LDAH: variants seen among roughly 807,000 people sequenced by gnomAD.
LDAH encodes lipid droplet-associated hydrolase.
A neutral mutation model predicts 29.6 loss-of-function variants in LDAH; 26 were observed. That is an observed-to-expected ratio of 0.88 (90% CI 0.64 to 1.22). The LOEUF is 1.22. LDAH is among the 50% of genes most tolerant of loss of function. The pLI is 0.00. For missense variants in LDAH, 344 were observed against 387.3 expected, an observed-to-expected ratio of 0.89 and a Z score of 0.94; for synonymous variants, 117 against 133.0, an observed-to-expected ratio of 0.88 and a Z score of 0.83.
rs189741161 is a variant in LDAH at position 20,819,614 on chromosome 2, C to T, written c.-3+3423G>A. ...CAATAGATATTGATGGGACGTATCC[C>T]AAAATAATAAGAGCTATTTATGACA... On this transcript the variant is annotated intron_variant, in intron 1 of 6. Transcript: ENST00000237822. Among the ~76,000 whole-genome samples, 586 of 152,226 alleles carry T rather than the reference C, an allele frequency of 3.8e-3. 4 individuals carry two copies. Among genetic ancestry groups the T allele is most frequent in the African/African-American group, 0.013 (556 of 41,532 alleles).
intron 5 of LDAH, among the ~76,000 whole-genome samples, chr2:20,715,037 T>C (rs769301965): frequency 9.2e-4 from 140 of 152,182 alleles, no homozygotes; most frequent in Non-Finnish European, 1.6e-3. Flanking sequence ...TTTTATGAGG[T>C]CAACATCATC....
At chr2:20,751,147 G>T (rs549805641) in intron 4 of LDAH, among the ~76,000 whole-genome samples, 23 of 152,244 alleles carry the variant, frequency 1.5e-4, no homozygotes, top group South Asian at 4.1e-4. Context: ...TAAAATAAAA[G>T]TTGAAGTTTT....
At chr2:20,797,241 T>C (rs1017754055) in intron 2 of LDAH, among the ~76,000 whole-genome samples, 4 of 152,174 alleles carry the variant, frequency 2.6e-5, no homozygotes, top group Non-Finnish European at 2.9e-5. Flanking sequence ...GGAATCTTAG[T>C]CCAGCTGAGA....
At chr2:20,757,037 G>A (rs929768175) in intron 4 of LDAH, among the ~76,000 whole-genome samples, 5 of 152,242 alleles carry the variant, frequency 3.3e-5, no homozygotes, top group African/African-American at 1.2e-4. Flanking sequence ...TCTTGTTGGA[G>A]AGCAATCTCC....
intron 3 of LDAH, among the ~76,000 whole-genome samples, chr2:20,780,645 T>C (rs889967579): frequency 1.3e-5 from 2 of 152,166 alleles, no homozygotes; most frequent in Admixed American, 6.5e-5. Context: ...AAGATACCTA[T>C]AGATTGCCAA....
intron 4 of LDAH, among the ~76,000 whole-genome samples, chr2:20,752,633 A>G (rs1572548907): frequency 6.6e-6 from 1 of 152,354 alleles, no homozygotes; most frequent in Admixed American, 6.5e-5. Flanking sequence ...TCAAGTGTCA[A>G]TGGCAATGTA....
chr2:20,742,064 T>C (rs1476369899), intron 4 of LDAH, among the ~76,000 whole-genome samples: 1 of 152,238 alleles, frequency 6.6e-6, no homozygotes, highest in African/African-American at 2.4e-5. Context: ...ATCTTGGAAT[T>C]TCTTTTCTAA....
Position 20,739,904 on chromosome 2 carries a change from CAG to C in LDAH, c.703+65_703+66del, listed in dbSNP as rs979771763. On this transcript the variant is annotated intron_variant, in intron 5 of 6. Transcript: ENST00000237822. ...TGCTTGCTTGATATTTGTCCACTGT[CAG>C]AGAGTATTGTGTAAACATTTTGTGA... The C allele has an allele frequency of 1.0e-5, 13 of 1,241,572 alleles. No homozygotes were observed. The African/African-American group carries it at 1.3e-4, about 13-fold the overall frequency. The allele number at this position is 1,241,572 out of a possible 1,614,324, so 76.9% of individuals were successfully genotyped here. A position where few individuals can be genotyped will look rare whatever the true frequency, so the allele number is the denominator to read the frequency against.
chr2:20,733,144 CA>C (rs1666525104), intron 5 of LDAH, among the ~76,000 whole-genome samples: 2 of 151,398 alleles, frequency 1.3e-5, no homozygotes, highest in Admixed American at 1.3e-4. Context: ...CACCAGCATA[CA>C]TTTTTGTCTC....
intron 5 of LDAH, among the ~76,000 whole-genome samples, chr2:20,725,008 G>A (rs1665911980): frequency 6.6e-6 from 1 of 152,130 alleles, no homozygotes; most frequent in South Asian, 2.1e-4. Flanking sequence ...ACCATTGTGG[G>A]TGTATATACC....
At chr2:20,776,837 A>G (rs1387161427) in intron 3 of LDAH, among the ~76,000 whole-genome samples, 1 of 152,230 alleles carries the variant, frequency 6.6e-6, no homozygotes, top group Non-Finnish European at 1.5e-5. Flanking sequence ...CTTTTTCAAA[A>G]TATGCAGCAT....
intron 5 of LDAH, among the ~76,000 whole-genome samples, chr2:20,733,136 C>T (rs144058290): frequency 1.3e-5 from 2 of 151,698 alleles, no homozygotes; most frequent in African/African-American, 2.4e-5. Flanking sequence ...ATTTCTGACA[C>T]CAGCATACAT....
chr2:20,717,401 C>G (rs1351877880), intron 5 of LDAH, among the ~76,000 whole-genome samples: 1 of 152,104 alleles, frequency 6.6e-6, no homozygotes, highest in Non-Finnish European at 1.5e-5. Flanking sequence ...AAGAAAAAGG[C>G]TGGAAACCAA....
chr2:20,731,318 C>T (rs1193495570), intron 5 of LDAH, among the ~76,000 whole-genome samples: 1 of 152,184 alleles, frequency 6.6e-6, no homozygotes, highest in Non-Finnish European at 1.5e-5. Context: ...ATCTCAAGAT[C>T]TGGTTGTTTA....
chr2:20,731,439 A>G (rs573197547), intron 5 of LDAH, among the ~76,000 whole-genome samples: 57 of 152,322 alleles, frequency 3.7e-4, no homozygotes, highest in Non-Finnish European at 5.9e-4. Context: ...AGGCGTCCGC[A>G]GAAGTGGATG....
chr2:20,736,572 CTG>C (rs1666804313), intron 5 of LDAH, among the ~76,000 whole-genome samples: 1 of 152,098 alleles, frequency 6.6e-6, no homozygotes, highest in African/African-American at 2.4e-5. Context: ...TTATTTTAAA[CTG>C]AGTATTTTGA....
At chr2:20,805,539 G>C (rs1472830016) in intron 1 of LDAH, among the ~76,000 whole-genome samples, 11 of 152,158 alleles carry the variant, frequency 7.2e-5, no homozygotes, top group Admixed American at 7.2e-4. Context: ...TACTGGTAAA[G>C]GATAATGGCA....
At chr2:20,749,368 T>G (rs546410515) in intron 4 of LDAH, among the ~76,000 whole-genome samples, 1 of 152,134 alleles carries the variant, frequency 6.6e-6, no homozygotes, top group Non-Finnish European at 1.5e-5. Context: ...AGTAAAAAAA[T>G]TATTCCCTAT....
chr2:20,719,939 C>G (rs986538472), intron 5 of LDAH, among the ~76,000 whole-genome samples: 3 of 152,078 alleles, frequency 2.0e-5, no homozygotes, highest in Non-Finnish European at 1.5e-5. Context: ...TAAAAACTCT[C>G]AACAAACGGG....
Sources: gnomAD v4.1 joint callset for allele counts (sites outside exome capture counted in the v4.1 genomes callset) on GRCh38, gnomAD v4.1.1 for gene constraint, MANE v1.5 for transcripts, NCBI Gene and HGNC (gene_info 2026-07-23, HGNC 2026-07-21) for gene names.